Variants in TAF5L observed in about 807,000 individuals in gnomAD.
TAF5L encodes TATA-box binding protein associated factor 5 like, also known as TAF5-like RNA polymerase II p300/CBP-associated factor-associated factor 65 kDa subunit 5L.
In TAF5L, 7 loss-of-function variants were observed where a neutral mutation model predicts 51.3. The observed-to-expected ratio is 0.14, with a 90% CI of 0.08 to 0.26. The LOEUF (loss-of-function observed/expected upper bound fraction) is 0.26, where lower values mean the gene tolerates loss of function less well. Among genes scored for constraint, TAF5L ranks in the 10% least tolerant of loss-of-function variants. TAF5L has a pLI of 1.00. For missense variants in TAF5L, 575 were observed against 758.9 expected (o/e 0.76, Z 2.85); for synonymous variants, 291 against 308.1 (o/e 0.94, Z 0.58).
chr1:229,623,894 T>C (rs1288097683), intron 1 of TAF5L, among the ~76,000 whole-genome samples: 1 of 152,192 alleles, frequency 6.6e-6, no homozygotes, highest in Non-Finnish European at 1.5e-5. Context: ...GGATTCTACA[T>C]GTGACCAGGG....
chr1:229,607,403 C>T (rs920962627), intron 3 of TAF5L: 3 of 985,404 alleles, frequency 3.0e-6, no homozygotes, highest in Non-Finnish European at 3.6e-6. Context: ...CATTGATCTC[C>T]AGCCTGAAAC....
At chr1:229,604,315 A>G (rs1395676871) in intron 3 of TAF5L, among the ~76,000 whole-genome samples, 1 of 152,154 alleles carries the variant, frequency 6.6e-6, no homozygotes, top group Non-Finnish European at 1.5e-5. Context: ...CTTTATCACA[A>G]GGTGAATGAA....
At chr1:229,600,415 C>T (rs1664328583) in intron 4 of TAF5L, 2 of 985,334 alleles carry the variant, frequency 2.0e-6, no homozygotes, top group Non-Finnish European at 1.2e-6. Flanking sequence ...AACAAAACCA[C>T]CATTCCAATG....
At chr1:229,614,217 G>A in intron 2 of TAF5L, 124 bp downstream of exon 2, 1 of 1,524,110 alleles carries the variant, frequency 6.6e-7, no homozygotes, top group Non-Finnish European at 9.1e-7. Context: ...GTAGCTCACT[G>A]AGGTTTTTGG....
chr1:229,607,688 G>A (rs1664646237), intron 3 of TAF5L: 1 of 164,930 alleles, frequency 6.1e-6, no homozygotes. Flanking sequence ...GTGCTTCTGT[G>A]ATATTCAAAT....
chr1:229,612,428 T>C (rs879467952), intron 2 of TAF5L, among the ~76,000 whole-genome samples: 1 of 146,576 alleles, frequency 6.8e-6, no homozygotes, highest in Non-Finnish European at 1.5e-5. Flanking sequence ...TAGGATGGCA[T>C]GTTCAGAAGG....
chr1:229,595,945 A>G (rs1368076693), intron 4 of TAF5L, among the ~76,000 whole-genome samples: 2 of 152,162 alleles, frequency 1.3e-5, no homozygotes, highest in East Asian at 1.9e-4. Context: ...AATTATAGGC[A>G]TGAGCCACCG....
At position 229,594,407 on chromosome 1, in the gene TAF5L, C is replaced by T. The variant is rs1664039030; in HGVS notation, c.1660G>A (p.Glu554Lys). ...TGCCCGGTGTACACGCCCACGAGCT[C>T]GCTGGAGGAGCCGTCGGCAGGTGCA... is the stretch of plus-strand genomic sequence containing the variant. The change falls in exon 5 of 5, where the codon GAG becomes AAG. Residue 554 changes from glutamate to lysine, a missense_variant. By Grantham distance (56) the Glu-to-Lys change is moderately conservative. Coordinates refer to ENST00000258281, the Ensembl canonical transcript of TAF5L. The surrounding 1 kb of genome is among the most constrained non-coding windows in gnomAD (Gnocchi z 7.9). 5 of 1,614,072 alleles carry T rather than the reference C, an allele frequency of 3.1e-6. No individual in the cohort carries two copies. Among genetic ancestry groups the T allele is most frequent in the Admixed American group, 1.7e-5 (1 of 60,006 alleles).
At chr1:229,613,956 TC>T (rs1409462742) in intron 2 of TAF5L, among the ~76,000 whole-genome samples, 3 of 152,298 alleles carry the variant, frequency 2.0e-5, no homozygotes, top group African/African-American at 7.2e-5. Context: ...CATGTGAGGC[TC>T]CATGCTGGAG....
intron 4 of TAF5L, chr1:229,601,985 TAAG>T (rs1356266517): frequency 4.3e-6 from 6 of 1,394,372 alleles, no homozygotes; most frequent in African/African-American, 1.4e-5. Context: ...CATTCATTAA[TAAG>T]AAGTTAATGC....
At chr1:229,603,021 G>T in intron 3 of TAF5L, 102 bp from the exon 4 acceptor site, 1 of 1,447,172 alleles carries the variant, frequency 6.9e-7, no homozygotes, top group Non-Finnish European at 9.0e-7. Context: ...TTCTTGCCAG[G>T]ACCCCATTTT....
chr1:229,602,441 T>C lies in TAF5L; in HGVS notation c.726A>G (p.Leu242=). Residue 242 remains leucine, a synonymous_variant, in exon 4 of 5, where the codon TTA becomes TTG. Transcript: ENST00000258281. This position sits in a 1 kb window ranked among gnomAD's most constrained non-coding sequence, Gnocchi z 4.6. ...CCTTGACTCGCTTAATGCTCTCCTGTAAGACCTCTAGGGCAGCCTCGTTCT... is the reference window on the plus strand; with the variant it reads ...CCTTGACTCGCTTAATGCTCTCCTGCAAGACCTCTAGGGCAGCCTCGTTCT... The C allele has an allele frequency of 1.2e-6, 2 of 1,614,134 alleles. No individual in the cohort carries two copies. The highest frequency in any genetic ancestry group is 3.3e-5 in the Admixed American group (2 of 60,014).
chr1:229,607,872 C>T (rs1664650427), intron 3 of TAF5L: 2 of 152,004 alleles, frequency 1.3e-5, no homozygotes, highest in South Asian at 4.2e-4. Flanking sequence ...AGCAGCAGTC[C>T]AAAGTGATCA....
intron 4 of TAF5L, among the ~76,000 whole-genome samples, chr1:229,598,082 G>A (rs1053849821): frequency 6.6e-6 from 1 of 152,210 alleles, no homozygotes; most frequent in African/African-American, 2.4e-5. Flanking sequence ...TGCTATCTAC[G>A]TGGGAGATGA....
intron 1 of TAF5L, among the ~76,000 whole-genome samples, chr1:229,621,995 C>G (rs949999626): frequency 1.3e-5 from 2 of 151,938 alleles, no homozygotes. Context: ...TTCGGGTGAG[C>G]AGAACTTCTT....
chr1:229,595,996 C>A (rs2102735890), intron 4 of TAF5L, among the ~76,000 whole-genome samples: 1 of 152,310 alleles, frequency 6.6e-6, no homozygotes, highest in African/African-American at 2.4e-5. Context: ...ACCATTGGTT[C>A]AGGCATGGTG....
chr1:229,601,178 A>G (rs1664358240), intron 4 of TAF5L: 9 of 985,454 alleles, frequency 9.1e-6, no homozygotes, highest in Non-Finnish European at 1.1e-5. Context: ...TTCAAAGGCC[A>G]TCCTAACTGG....
chr1:229,611,700 C>T (rs1182773974), intron 2 of TAF5L, among the ~76,000 whole-genome samples: 26 of 152,222 alleles, frequency 1.7e-4, no homozygotes, highest in Admixed American at 1.7e-3. Flanking sequence ...GCTGTCCTCA[C>T]TTCTCACTGG....
intron 3 of TAF5L, among the ~76,000 whole-genome samples, chr1:229,604,735 G>A (rs952433401): frequency 6.6e-6 from 1 of 152,136 alleles, no homozygotes; most frequent in African/African-American, 2.4e-5. Flanking sequence ...TGAGTGCAAA[G>A]GGAATACAGA....
Sources: gnomAD v4.1 joint callset for allele counts (sites outside exome capture counted in the v4.1 genomes callset) on GRCh38, gnomAD v4.1.1 for gene constraint, Gnocchi (gnomAD v3.1) non-coding constraint, MANE v1.5 for transcripts, NCBI Gene and HGNC (gene_info 2026-07-23, HGNC 2026-07-21) for gene names.